Variants in TXNDC8 observed in about 807,000 individuals in gnomAD.
TXNDC8 encodes the protein thioredoxin domain-containing protein 8.
Under a neutral mutation model 12.9 loss-of-function variants are expected in TXNDC8, and 15 were observed. The observed-to-expected ratio is 1.16, with a 90% CI of 0.78 to 1.79. The LOEUF (loss-of-function observed/expected upper bound fraction) is 1.79. TXNDC8 is among the 40% of genes most tolerant of loss of function. The probability of loss-of-function intolerance (pLI) is 0.00; values close to 1 mark genes in which losing one functional copy is unlikely to be tolerated. For synonymous variants in TXNDC8, 40 were observed against 35.4 expected, an observed-to-expected ratio of 1.13 and a Z score of -0.46; for missense variants, 128 against 113.2, an observed-to-expected ratio of 1.13 and a Z score of -0.59.
chr9:110,307,680 T>G (rs1038853952), intron 3 of TXNDC8, among the ~76,000 whole-genome samples: 4 of 152,330 alleles, frequency 2.6e-5, no homozygotes, highest in Middle Eastern at 3.4e-3. Flanking sequence ...CTCCACTCAC[T>G]GAGATAAATG....
chr9:110,335,620 G>T (rs755803694), intron 1 of TXNDC8, among the ~76,000 whole-genome samples: 3 of 152,152 alleles, frequency 2.0e-5, no homozygotes, highest in Non-Finnish European at 2.9e-5. Context: ...TGATCAGTTA[G>T]CTGGTGAGTG....
rs115129581 is a variant in TXNDC8 at position 110,335,027 on chromosome 9, G to A, written c.25-707C>T. ...AGTAAATAAAGGTTTCCCTTCCTGG[G>A]ACTCAGATGACTGCATCTATATTTG... On this transcript the variant is annotated intron_variant, in intron 1 of 4. Coordinates refer to ENST00000423740, the MANE Select transcript of TXNDC8 (RefSeq NM_001286946.2). Among the ~76,000 whole-genome samples the A allele has an allele frequency of 2.8e-3, 423 of 152,210 alleles. 2 individuals carry two copies. Among genetic ancestry groups the A allele is most frequent in the African/African-American group, 9.9e-3 (411 of 41,520 alleles).
chr9:110,320,247 T>C (rs552401149), intron 3 of TXNDC8, among the ~76,000 whole-genome samples: 1 of 152,260 alleles, frequency 6.6e-6, no homozygotes, highest in South Asian at 2.1e-4. Context: ...ATAATTCCCA[T>C]GTGTCATGGG....
At chr9:110,330,893 T>A (rs1839518120) in intron 2 of TXNDC8, among the ~76,000 whole-genome samples, 1 of 152,250 alleles carries the variant, frequency 6.6e-6, no homozygotes. Flanking sequence ...CATTTTCTTA[T>A]GATTCACTGT....
chr9:110,313,668 C>T (rs74872540), intron 3 of TXNDC8, among the ~76,000 whole-genome samples: 8,600 of 152,208 alleles, frequency 0.057, 299 homozygotes, highest in Middle Eastern at 0.095. Context: ...GCCCCTGACT[C>T]CAGCCTGGTT....
chr9:110,334,039 T>A (rs1839647215), intron 2 of TXNDC8, among the ~76,000 whole-genome samples, 177 bp downstream of exon 2: 1 of 152,260 alleles, frequency 6.6e-6, no homozygotes, highest in Non-Finnish European at 1.5e-5. Context: ...TCTTCTGGTG[T>A]GTACACTTAT....
chr9:110,322,184 GTT>G (rs58184864), intron 3 of TXNDC8, among the ~76,000 whole-genome samples: 13,132 of 149,442 alleles, frequency 0.088, 1,152 homozygotes, highest in East Asian at 0.45. Flanking sequence ...ATGGTCTCAA[GTT>G]TTTTTTTTTT....
intron 3 of TXNDC8, among the ~76,000 whole-genome samples, chr9:110,315,103 G>GT (rs1838834092): frequency 6.6e-6 from 1 of 151,844 alleles, no homozygotes; most frequent in Non-Finnish European, 1.5e-5. Flanking sequence ...TCCAGAGGCA[G>GT]GTTTTTTTTT....
At chr9:110,331,583 A>T (rs1839542763) in intron 2 of TXNDC8, among the ~76,000 whole-genome samples, 1 of 152,154 alleles carries the variant, frequency 6.6e-6, no homozygotes, top group Non-Finnish European at 1.5e-5. Flanking sequence ...TCTCTGACTG[A>T]TACAGTCATC....
intron 3 of TXNDC8, among the ~76,000 whole-genome samples, chr9:110,310,259 A>G (rs778912050): frequency 5.3e-5 from 8 of 151,988 alleles, no homozygotes; most frequent in African/African-American, 1.7e-4. Context: ...TATAATTTCT[A>G]TAATTTTTTG....
At chr9:110,311,128 TC>T (rs1271721691) in intron 3 of TXNDC8, among the ~76,000 whole-genome samples, 5 of 152,164 alleles carry the variant, frequency 3.3e-5, no homozygotes, top group Non-Finnish European at 7.4e-5. Context: ...CATGATAGAT[TC>T]AGTTAGGTCA....
At chr9:110,313,461 G>A (rs1296135844) in intron 3 of TXNDC8, among the ~76,000 whole-genome samples, 1 of 152,126 alleles carries the variant, frequency 6.6e-6, no homozygotes, top group Non-Finnish European at 1.5e-5. Context: ...AGCACTTTGG[G>A]AGGCTGACGT....
chr9:110,337,264 T>G (rs1304076007), intron 1 of TXNDC8, among the ~76,000 whole-genome samples: 1 of 152,202 alleles, frequency 6.6e-6, no homozygotes, highest in African/African-American at 2.4e-5. Context: ...CCTGAACCTC[T>G]CTTTTAGAGG....
At chr9:110,324,029 A>G in intron 3 of TXNDC8, 2 of 1,546,226 alleles carry the variant, frequency 1.3e-6, no homozygotes, top group Non-Finnish European at 1.7e-6. Flanking sequence ...ATAAGAATGC[A>G]AAAGGGAGTG....
intron 3 of TXNDC8, among the ~76,000 whole-genome samples, chr9:110,307,880 T>C (rs1262770025): frequency 6.6e-6 from 1 of 152,232 alleles, no homozygotes; most frequent in Non-Finnish European, 1.5e-5. Context: ...AAAACCAAGC[T>C]GTCCTCTAAC....
chr9:110,332,812 G>C (rs1428368954), intron 2 of TXNDC8, among the ~76,000 whole-genome samples: 5 of 152,310 alleles, frequency 3.3e-5, no homozygotes, highest in African/African-American at 1.2e-4. Context: ...ATGAACCAAT[G>C]TGTATGTGGG....
At chr9:110,337,191 A>G (rs930222185) in intron 1 of TXNDC8, among the ~76,000 whole-genome samples, 2 of 152,146 alleles carry the variant, frequency 1.3e-5, no homozygotes, top group Admixed American at 6.5e-5. Flanking sequence ...GACTTCTTGT[A>G]ATGAGGGCAG....
At chr9:110,336,039 T>G (rs1587998186) in intron 1 of TXNDC8, among the ~76,000 whole-genome samples, 1 of 152,252 alleles carries the variant, frequency 6.6e-6, no homozygotes, top group South Asian at 2.1e-4. Flanking sequence ...TATCTGACGG[T>G]TTTATAAAGG....
At chr9:110,305,594 CTT>C (rs1244320292) in intron 3 of TXNDC8, among the ~76,000 whole-genome samples, 3 of 130,294 alleles carry the variant, frequency 2.3e-5, no homozygotes, top group African/African-American at 1.0e-4. Flanking sequence ...TTCTTTCTTT[CTT>C]TCTTTCTTTC....
Sources: gnomAD v4.1 joint callset for allele counts (sites outside exome capture counted in the v4.1 genomes callset) on GRCh38, gnomAD v4.1.1 for gene constraint, MANE v1.5 for transcripts, NCBI Gene and HGNC (gene_info 2026-07-23, HGNC 2026-07-21) for gene names.